Variants in IL12RB1 observed in about 807,000 individuals in gnomAD.
The protein encoded by IL12RB1 is interleukin 12 receptor subunit beta 1.
In IL12RB1, 64 loss-of-function variants were observed where a neutral mutation model predicts 94.4. The observed-to-expected ratio is 0.68, with a 90% CI of 0.55 to 0.83. The LOEUF is 0.83. IL12RB1 is among the 40% of genes least tolerant of loss of function. The pLI is 0.00. For missense variants in IL12RB1, 814 were observed against 855.6 expected, an observed-to-expected ratio of 0.95 and a Z score of 0.61; for synonymous variants, 362 against 355.5, an observed-to-expected ratio of 1.02 and a Z score of -0.21.
intron 14 of IL12RB1, among the ~76,000 whole-genome samples, chr19:18,061,869 G>GAAA (rs767444429): frequency 7.0e-6 from 1 of 142,724 alleles, no homozygotes; most frequent in South Asian, 2.2e-4. Flanking sequence ...TCTCAAAAAA[G>GAAA]AAAAAAAAAA....
intron 1 of IL12RB1, chr19:18,097,650 G>T: frequency 2.5e-6 from 1 of 402,530 alleles, no homozygotes; most frequent in South Asian, 1.2e-4. Flanking sequence ...GCCCAGTGGG[G>T]GCGGGGCCCT....
At chr19:18,097,696 G>C in intron 1 of IL12RB1, 1 of 765,428 alleles carries the variant, frequency 1.3e-6, no homozygotes, top group East Asian at 4.6e-5. Context: ...GGGCCAGGCC[G>C]TGTCAGCTGA....
In IL12RB1 at chr19:18,085,426, C is replaced by T. The variant is rs553002489; in HGVS notation, c.64+1334G>A. 4.7e-5 allele frequency among the ~76,000 whole-genome samples: 7 copies of T among 148,038 alleles called. No individual in the cohort carries two copies. The East Asian group carries it at 1.2e-3, about 26-fold the overall frequency. Reference sequence around the variant, plus strand: ...CACTGCCACTATCTCCAGGATACCTCGTGGGCTGCCTCTCGCCCCCTCCCT... The same window carrying T: ...CACTGCCACTATCTCCAGGATACCTTGTGGGCTGCCTCTCGCCCCCTCCCT... On this transcript the variant is annotated intron_variant, in intron 1 of 16. Transcript: ENST00000593993.
At chr19:18,084,679 ATCCATC>A (rs1568522770) in intron 1 of IL12RB1, among the ~76,000 whole-genome samples, 1 of 151,980 alleles carries the variant, frequency 6.6e-6, no homozygotes, top group African/African-American at 2.4e-5. Context: ...CCATCCATCC[ATCCATC>A]CATCCATCCA....
chr19:18,072,655 G>A (rs1313334167), intron 8 of IL12RB1, among the ~76,000 whole-genome samples: 1 of 151,960 alleles, frequency 6.6e-6, no homozygotes, highest in Non-Finnish European at 1.5e-5. Flanking sequence ...CCTTAGAAAA[G>A]GAATTTGAGA....
At chr19:18,068,999 C>T (rs999433855) in intron 10 of IL12RB1, among the ~76,000 whole-genome samples, 1 of 150,616 alleles carries the variant, frequency 6.6e-6, no homozygotes, top group African/African-American at 2.4e-5. Flanking sequence ...ATCCACCTGC[C>T]TCAGCCTCCC....
At chr19:18,094,495 A>C (rs2146607105) in intron 1 of IL12RB1, among the ~76,000 whole-genome samples, 1 of 152,344 alleles carries the variant, frequency 6.6e-6, no homozygotes, top group East Asian at 1.9e-4. Flanking sequence ...CTGAAAAAAC[A>C]TTCATTGTTT....
intron 3 of IL12RB1, among the ~76,000 whole-genome samples, chr19:18,081,434 C>G (rs1164550344): frequency 6.6e-6 from 1 of 152,018 alleles, no homozygotes; most frequent in African/African-American, 2.4e-5. Context: ...CCTCCTCCCC[C>G]AGCCTGGGGG....
chr19:18,097,262 C>T (rs2037017884), intron 1 of IL12RB1, among the ~76,000 whole-genome samples: 1 of 152,150 alleles, frequency 6.6e-6, no homozygotes, highest in African/African-American at 2.4e-5. Context: ...ACTGTAACCT[C>T]CGCCTCTTGG....
At chr19:18,059,855 G>T in intron 16 of IL12RB1, 39 bp downstream of exon 16, 1 of 1,190,084 alleles carries the variant, frequency 8.4e-7, no homozygotes, top group Non-Finnish European at 1.2e-6. Context: ...CCCGGGCAGG[G>T]TTGCACCCCT....
chr19:18,081,237 A>C (rs1222455626), intron 3 of IL12RB1, among the ~76,000 whole-genome samples: 1 of 151,996 alleles, frequency 6.6e-6, no homozygotes, highest in African/African-American at 2.4e-5. Context: ...CTGGGATTAC[A>C]GGCACATGCC....
In IL12RB1 at chr19:18,059,956, C is replaced by T. The variant is rs1283277049; in HGVS notation, c.1921G>A (p.Ala641Thr). The T allele has an allele frequency of 6.3e-7, 1 of 1,597,082 alleles. No homozygotes were observed. The highest frequency in any genetic ancestry group is 8.5e-7 in the Non-Finnish European group (1 of 1,171,406). The change falls in exon 16 of 17, where the codon GCC becomes ACC. Residue 641 changes from alanine to threonine, a missense_variant. By Grantham distance (58) the Ala-to-Thr change is moderately conservative. Transcript: ENST00000593993. ...TCTGTATCCAGGGCCAGCTCAGGGG[C>T]ACCCTCAGGTAGCTCTGTCTTCTCG... The part of the protein sequence containing the change: ...PLEKTELPEG[A>T]PELALDTELS...
rs1469052924 is a variant in IL12RB1 at position 18,063,982 on chromosome 19, T to C, written c.1512A>G (p.Gln504=). ...CAGCCCGCAGGCCACTGAGGGTAAC[T>C]TGGGTCTCTGTGGGCTGCACGGGAT... ...SEHPVQPTET[Q]VTLSGLRAGV... Residue 504 remains glutamine (Q), a synonymous_variant, in exon 13 of 17, where the codon CAA becomes CAG. Transcript: ENST00000593993. 6.2e-7 allele frequency: 1 copy of C among 1,612,430 alleles called. No homozygotes were observed. The highest frequency in any genetic ancestry group is 8.5e-7 in the Non-Finnish European group (1 of 1,178,736).
chr19:18,065,264 C>T (rs1040214214), intron 12 of IL12RB1, among the ~76,000 whole-genome samples: 1 of 152,154 alleles, frequency 6.6e-6, no homozygotes, highest in Non-Finnish European at 1.5e-5. Flanking sequence ...TCAGATCCCC[C>T]CTCCAGGCCT....
In IL12RB1 at chr19:18,073,581, T is replaced by C; in HGVS notation, c.719A>G (p.Gln240Arg). 6.2e-7 allele frequency: 1 copy of C among 1,611,490 alleles called. No homozygotes were observed. Among genetic ancestry groups the C allele is most frequent in the Non-Finnish European group, 8.5e-7 (1 of 1,178,042 alleles). ...CAGCTGCTCCACCGAGAATCTCACC[T>C]GAGGCTGTGGGGGGTTTTCTGCAAT... ...CVPPENPPQP[Q>R]VRFSVEQLGQ... is the part of the protein sequence containing the mutation. The change falls in exon 8 of 17, where the codon CAG becomes CGG. Residue 240 changes from glutamine to arginine, a missense_variant. Transcript: ENST00000593993.
chr19:18,088,388 A>AATATATATAT (rs372635550), upstream of IL12RB1, among the ~76,000 whole-genome samples: 31 of 108,518 alleles, frequency 2.9e-4, 1 homozygote, highest in African/African-American at 7.5e-4. Flanking sequence ...TCCATCTCAA[A>AATATATATAT]ATATATATAT....
At chr19:18,061,766 G>A (rs1234934219) in intron 14 of IL12RB1, among the ~76,000 whole-genome samples, 1 of 151,862 alleles carries the variant, frequency 6.6e-6, no homozygotes, top group African/African-American at 2.4e-5. Flanking sequence ...GGGAGGCTGA[G>A]ACAGGAGAAT....
At position 18,059,990 on chromosome 19, in the gene IL12RB1, A is replaced by G. The variant is rs768612090; in HGVS notation, c.1887T>C (p.Thr629=). ...VEMSWDKGER[T]EPLEKTELPE... is the part of the protein sequence containing the mutation. ...GTAGCTCTGTCTTCTCGAGAGGCTC[A>G]GTCCTCTCGCCTTTGTCCCAGGACA... The change falls in exon 16 of 17, where the codon ACT becomes ACC. Residue 629 remains threonine, a synonymous_variant. Coordinates refer to ENST00000593993, the MANE Select transcript of IL12RB1 (RefSeq NM_005535.3). 6.3e-6 allele frequency: 10 copies of G among 1,593,840 alleles called. No individual in the cohort carries two copies. In the South Asian group the frequency reaches 1.0e-4, roughly 16 times the overall value.
At chr19:18,096,641 C>T (rs1026747363) in intron 1 of IL12RB1, among the ~76,000 whole-genome samples, 3 of 151,938 alleles carry the variant, frequency 2.0e-5, no homozygotes, top group Non-Finnish European at 2.9e-5. Context: ...TCGAGACAAG[C>T]CTGGCCAACA....
Sources: gnomAD v4.1 joint callset for allele counts (sites outside exome capture counted in the v4.1 genomes callset) on GRCh38, gnomAD v4.1.1 for gene constraint, MANE v1.5 for transcripts, NCBI Gene and HGNC (gene_info 2026-07-23, HGNC 2026-07-21) for gene names.